Variants in RAPH1 observed in about 807,000 individuals in gnomAD.
RAPH1 encodes ras-associated and pleckstrin homology domains-containing protein 1.
In RAPH1, 18 loss-of-function variants were observed where a neutral mutation model predicts 88.1. That is an observed-to-expected ratio of 0.20 (90% CI 0.14 to 0.30). RAPH1 has a LOEUF of 0.30. Among genes scored for constraint, RAPH1 ranks in the 10% least tolerant of loss-of-function variants. The pLI, the probability that RAPH1 is intolerant of heterozygous loss-of-function variation, is 1.00. For missense variants in RAPH1, 1,448 were observed against 1,543.2 expected (o/e 0.94, Z 1.03); for synonymous variants, 587 against 559.0 (o/e 1.05, Z -0.71).
At chr2:203,500,509 G>C (rs1688696363) in intron 1 of RAPH1, among the ~76,000 whole-genome samples, 1 of 152,086 alleles carries the variant, frequency 6.6e-6, no homozygotes, top group Non-Finnish European at 1.5e-5. Flanking sequence ...TTCCAATTGT[G>C]GTTTGTTGAT....
At chr2:203,472,327 TCGCC>T (rs1396909303) in intron 4 of RAPH1, among the ~76,000 whole-genome samples, 4 of 152,140 alleles carry the variant, frequency 2.6e-5, no homozygotes, top group Non-Finnish European at 4.4e-5. Context: ...AGACAGAGTT[TCGCC>T]ATGTTAGCCA....
At chr2:203,466,808 C>T (rs1473831398) in intron 4 of RAPH1, among the ~76,000 whole-genome samples, 1 of 152,182 alleles carries the variant, frequency 6.6e-6, no homozygotes, top group East Asian at 1.9e-4. Flanking sequence ...CTCAAATTTA[C>T]GTAAAGACAA....
chr2:203,440,272 G>T lies in RAPH1; in HGVS notation c.2918C>A (p.Pro973Gln). 1.2e-6 allele frequency: 2 copies of T among 1,613,888 alleles called. No homozygotes were observed. Among genetic ancestry groups the T allele is most frequent in the Non-Finnish European group, 1.7e-6 (2 of 1,179,966 alleles). The change falls in exon 14 of 14, where the codon CCA (proline) becomes CAA (glutamine). Residue 973 changes from proline to glutamine, a missense_variant. Around this residue, in one of 2 missense-constraint regions of RAPH1, gnomAD observed 935 missense variants for 890.1 expected, o/e 1.05. Transcript: ENST00000319170. ...AATGCTGGAGTTGCGCTGTGGGGTT[G>T]GGGGTGGTTTCTTTCCCCCAGGGCT... The part of the protein sequence containing the change: ...TSSPGGKKPP[P>Q]TPQRNSSIKS...
chr2:203,471,261 A>C (rs1054527041), intron 4 of RAPH1, among the ~76,000 whole-genome samples: 6 of 152,214 alleles, frequency 3.9e-5, no homozygotes, highest in Admixed American at 3.3e-4. Context: ...ATATTTTATA[A>C]ATCTAAATAC....
At chr2:203,452,478 T>C (rs1160359853) in intron 10 of RAPH1, among the ~76,000 whole-genome samples, 1 of 152,222 alleles carries the variant, frequency 6.6e-6, no homozygotes, top group Admixed American at 6.5e-5. Flanking sequence ...ACATATAATT[T>C]AGTTGCTTCT....
intron 1 of RAPH1, among the ~76,000 whole-genome samples, chr2:203,513,566 T>C (rs937549749): frequency 7.2e-6 from 1 of 139,572 alleles, no homozygotes; most frequent in Admixed American, 7.3e-5. Flanking sequence ...CCAGGCGCGG[T>C]GGCTCACACC....
Position 203,439,907 on chromosome 2 carries a change from C to T in RAPH1, c.3283G>A (p.Gly1095Arg). The T allele has an allele frequency of 6.2e-7, 1 of 1,613,800 alleles. No individual in the cohort carries two copies. ...PPIEIPAVFS[G>R]NTSPKVAVVN... Reference sequence around the variant, plus strand: ...ACTGCCACTTTTGGAGAGGTGTTTCCCGAGAAAACTGCTGGAATCTCAATG... The same window carrying T: ...ACTGCCACTTTTGGAGAGGTGTTTCTCGAGAAAACTGCTGGAATCTCAATG... Residue 1095 changes from glycine to arginine, a missense_variant, in exon 14 of 14, where the codon GGA becomes AGA. Gly to Arg is a moderately radical substitution (Grantham distance 125). This residue lies in a region of RAPH1 where 935 missense variants were observed against 890.1 expected (regional missense o/e 1.05). Transcript: ENST00000319170.
Position 203,486,562 on chromosome 2 carries a change from A to C in RAPH1, c.732+3022T>G, listed in dbSNP as rs183094724. Among the ~76,000 whole-genome samples the C allele has an allele frequency of 1.4e-3, 217 of 152,374 alleles. 1 individual carries two copies. Among genetic ancestry groups the C allele is most frequent in the African/African-American group, 5.1e-3 (212 of 41,584 alleles). On this transcript the variant is annotated intron_variant, in intron 4 of 13. Coordinates refer to ENST00000319170, the MANE Select transcript of RAPH1 (RefSeq NM_213589.3). ...TAATGATAAAGAGGTAAAGTCCCTAAGAATCAGCTAAATGAGCAAAAATTG... is the reference window on the plus strand; with the variant it reads ...TAATGATAAAGAGGTAAAGTCCCTACGAATCAGCTAAATGAGCAAAAATTG...
At chr2:203,471,744 T>C (rs1186157278) in intron 4 of RAPH1, among the ~76,000 whole-genome samples, 1 of 152,144 alleles carries the variant, frequency 6.6e-6, no homozygotes, top group Non-Finnish European at 1.5e-5. Flanking sequence ...TATTTTATTG[T>C]CTGCATTTTT....
rs1559450799 is a variant in RAPH1, at chr2:203,448,144, G to A, written c.1513-65C>T. On this transcript the variant is annotated intron_variant, in intron 11 of 13. Coordinates refer to ENST00000319170, the MANE Select transcript of RAPH1 (RefSeq NM_213589.3). The surrounding 1 kb of genome is among the most constrained non-coding windows in gnomAD (Gnocchi z 4.1). Reference sequence around the variant, plus strand: ...TGAGTATGATACAGAAGGATAAGGTGAAATGGGGGACATATTTCTGTTTAC... The same window carrying A: ...TGAGTATGATACAGAAGGATAAGGTAAAATGGGGGACATATTTCTGTTTAC... 7.4e-6 allele frequency: 11 copies of A among 1,486,000 alleles called. No individual in the cohort carries two copies. Among genetic ancestry groups the A allele is most frequent in the South Asian group, 2.4e-5 (2 of 82,114 alleles). 92.1% of individuals were successfully genotyped at this position (1,486,000 alleles called of 1,614,324 possible).
chr2:203,443,410 A>T (rs1417062705), intron 13 of RAPH1: 3 of 152,208 alleles, frequency 2.0e-5, no homozygotes, highest in African/African-American at 4.8e-5. Flanking sequence ...ACACAACTAC[A>T]GATGATGTCT....
chr2:203,508,324 G>A (rs566869731), intron 1 of RAPH1, among the ~76,000 whole-genome samples: 1 of 151,884 alleles, frequency 6.6e-6, no homozygotes, highest in African/African-American at 2.4e-5. Context: ...GTAGAGACAG[G>A]GTTTCTCCAT....
intron 2 of RAPH1, among the ~76,000 whole-genome samples, chr2:203,492,574 T>C (rs1195114296): frequency 6.6e-6 from 1 of 152,200 alleles, no homozygotes; most frequent in African/African-American, 2.4e-5. Flanking sequence ...ATGATACTCT[T>C]CCTCTCTAAC....
At chr2:203,512,843 C>A (rs1021118808) in intron 1 of RAPH1, among the ~76,000 whole-genome samples, 3 of 152,058 alleles carry the variant, frequency 2.0e-5, no homozygotes, top group Non-Finnish European at 4.4e-5. Context: ...CCAGGATGGT[C>A]TGGATCTCCT....
intron 4 of RAPH1, among the ~76,000 whole-genome samples, chr2:203,486,074 A>G (rs1407664262): frequency 1.4e-5 from 2 of 147,750 alleles, no homozygotes; most frequent in Admixed American, 7.0e-5. Flanking sequence ...AAAAAACCTA[A>G]GGATAATCCT....
At chr2:203,464,517 T>A (rs1365045154) in intron 4 of RAPH1, among the ~76,000 whole-genome samples, 2 of 152,190 alleles carry the variant, frequency 1.3e-5, no homozygotes, top group African/African-American at 4.8e-5. Flanking sequence ...GTGATCTACC[T>A]GCCTAGACCT....
rs1646622355 is a variant in RAPH1 at position 203,481,699 on chromosome 2, C to CTAGAT, written c.732+7884_732+7885insATCTA. Among the ~76,000 whole-genome samples the CTAGAT allele has an allele frequency of 4.0e-5, 6 of 150,182 alleles. 1 individual carries two copies. In the South Asian group the frequency reaches 1.3e-3, roughly 32 times the overall value. On this transcript the variant is annotated intron_variant, in intron 4 of 13. Transcript: ENST00000319170. ...CTCCACCTCCTAGATTCAAGTGATT[C>CTAGAT]TCCTGCCTCAGCCTCCCGAGTAGCT...
At chr2:203,501,848 TA>T (rs1688752844) in intron 1 of RAPH1, among the ~76,000 whole-genome samples, 1 of 123,212 alleles carries the variant, frequency 8.1e-6, no homozygotes, top group Admixed American at 8.0e-5. Context: ...AAAAAACAAA[TA>T]CAAATTCTGT....
At chr2:203,470,918 G>A (rs2098532483) in intron 4 of RAPH1, among the ~76,000 whole-genome samples, 1 of 152,146 alleles carries the variant, frequency 6.6e-6, no homozygotes, top group South Asian at 2.1e-4. Flanking sequence ...ATACTGCACA[G>A]TAAAGAATTT....
Sources: allele counts gnomAD v4.1 joint callset (sites outside exome capture counted in the v4.1 genomes callset), GRCh38; gene constraint gnomAD v4.1.1; regional missense constraint gnomAD v4.1.1; non-coding constraint Gnocchi (gnomAD v3.1); transcripts MANE v1.5; gene names NCBI Gene and HGNC (gene_info 2026-07-23, HGNC 2026-07-21).